The following NUP62CL variants were observed in gnomAD, a reference collection of about 807,000 sequenced individuals.
NUP62CL encodes nucleoporin-62 C-terminal-like protein.
NUP62CL carries 13 observed loss-of-function variants against 15.3 expected under a neutral mutation model. That is an observed-to-expected ratio of 0.85 (90% confidence interval 0.55 to 1.35). NUP62CL has a LOEUF of 1.35. Among genes scored for constraint, NUP62CL ranks in the 40% most tolerant of loss-of-function variants. The probability of loss-of-function intolerance (pLI) is 0.00; values close to 1 mark genes in which losing one functional copy is unlikely to be tolerated. For missense variants in NUP62CL, 123 were observed against 130.6 expected (o/e 0.94, Z 0.28); for synonymous variants, 54 against 49.2 (o/e 1.10, Z -0.41).
chrX:107,135,296 G>A (rs1029999486), intron 8 of NUP62CL, among the ~76,000 whole-genome samples: 1 of 112,003 alleles, frequency 8.9e-6, no homozygotes, highest in African/African-American at 3.2e-5. Flanking sequence ...AAAGAAAAAA[G>A]AAAATAACAA....
intron 4 of NUP62CL, among the ~76,000 whole-genome samples, chrX:107,164,843 G>A (rs1411381978): frequency 2.7e-5 from 3 of 113,120 alleles, no homozygotes; most frequent in Non-Finnish European, 5.6e-5. Context: ...GCTCACGCCT[G>A]TAATCCCAGC....
rs755470588 is a variant in NUP62CL at position 107,195,765 on chromosome X, A to C, written c.-91-2693T>G. Among the ~76,000 whole-genome samples the C allele has an allele frequency of 3.6e-5, 4 of 110,582 alleles. No homozygotes were observed. In the East Asian group the frequency reaches 1.1e-3, roughly 31 times the overall value. ...CAATCCTGGAAGGCACAGAAAGGGAAGCAATAAGAGCATTTGCTGTGTTTA... is the reference window on the plus strand; with the variant it reads ...CAATCCTGGAAGGCACAGAAAGGGACGCAATAAGAGCATTTGCTGTGTTTA... On this transcript the variant is annotated intron_variant, in intron 1 of 8. Coordinates refer to ENST00000372466, the MANE Select transcript of NUP62CL (RefSeq NM_017681.3).
chrX:107,178,888 T>A (rs891137787), intron 2 of NUP62CL, among the ~76,000 whole-genome samples: 1 of 109,947 alleles, frequency 9.1e-6, no homozygotes, highest in East Asian at 2.8e-4. Flanking sequence ...GGTCAAGAGA[T>A]AGAGACCATC....
intron 8 of NUP62CL, among the ~76,000 whole-genome samples, chrX:107,129,013 A>T (rs1170119836): frequency 9.0e-6 from 1 of 111,726 alleles, no homozygotes; most frequent in Admixed American, 9.5e-5. Flanking sequence ...GGAGGAGACC[A>T]CTAAGGTTAC....
At chrX:107,134,245 T>C (rs1197850144) in intron 8 of NUP62CL, among the ~76,000 whole-genome samples, 1 of 112,118 alleles carries the variant, frequency 8.9e-6, no homozygotes, top group African/African-American at 3.2e-5. Flanking sequence ...AGTTTATATT[T>C]TTTAAGTAAA....
chrX:107,175,110 T>C lies in NUP62CL; in HGVS notation c.37A>G (p.Thr13Ala). 1 of 1,206,755 alleles carries C rather than the reference T, an allele frequency of 8.3e-7. No individual in the cohort carries two copies. Among genetic ancestry groups the C allele is most frequent in the Non-Finnish European group, 1.1e-6 (1 of 891,847 alleles). The part of the protein sequence containing the change: ...FTSISNSLTS[T>A]AAIGLSFTTS... ...TTACATGAGAGCCCAATAGCAGCAGTGGAGGTCAAAGAATTTGATATTGAG... is the reference window on the plus strand; with the variant it reads ...TTACATGAGAGCCCAATAGCAGCAGCGGAGGTCAAAGAATTTGATATTGAG... The change falls in exon 3 of 9, where the codon ACT becomes GCT. Residue 13 changes from threonine (T) to alanine (A), a missense_variant. Thr to Ala is a moderately conservative substitution (Grantham distance 58). Transcript: ENST00000372466.
chrX:107,157,571 C>G (rs1926235837), intron 4 of NUP62CL, among the ~76,000 whole-genome samples: 1 of 107,953 alleles, frequency 9.3e-6, no homozygotes, highest in South Asian at 4.3e-4. Context: ...TACAGACAAG[C>G]AAGTGCTGAG....
intron 1 of NUP62CL, among the ~76,000 whole-genome samples, chrX:107,200,510 T>G (rs1473592283): frequency 1.8e-5 from 2 of 108,599 alleles, no homozygotes; most frequent in Non-Finnish European, 3.8e-5. Context: ...TCCCAGCTAC[T>G]CAGGAGGCTG....
intron 8 of NUP62CL, among the ~76,000 whole-genome samples, chrX:107,125,168 G>T (rs922603804): frequency 1.8e-5 from 2 of 111,695 alleles, no homozygotes; most frequent in African/African-American, 3.3e-5. Flanking sequence ...ACTTTATGAT[G>T]ATCCAATTCC....
At chrX:107,189,939 AAGAAAG>A (rs1389988602) in intron 2 of NUP62CL, among the ~76,000 whole-genome samples, 10 of 101,214 alleles carry the variant, frequency 9.9e-5, no homozygotes, top group Admixed American at 3.1e-4. Context: ...GAAAGAAAGA[AAGAAAG>A]AGAATCGATA....
chrX:107,183,415 A>T (rs1036315947), intron 2 of NUP62CL, among the ~76,000 whole-genome samples: 14 of 110,908 alleles, frequency 1.3e-4, no homozygotes, highest in African/African-American at 4.3e-4. Context: ...TGAGCAACAT[A>T]ATGAGACCCT....
chrX:107,175,614 T>C (rs1926764198), intron 2 of NUP62CL, among the ~76,000 whole-genome samples: 1 of 111,833 alleles, frequency 8.9e-6, no homozygotes, highest in South Asian at 3.8e-4. Flanking sequence ...GAAACATTTA[T>C]TCAAGAAAAT....
At chrX:107,202,537 C>T (rs1229424253) in intron 1 of NUP62CL, 1 of 110,345 alleles carries the variant, frequency 9.1e-6, no homozygotes, top group African/African-American at 3.3e-5. Context: ...TAAAGTAAAT[C>T]ATTTTAAAAA....
At chrX:107,151,458 G>C (rs1486241253) in intron 7 of NUP62CL, among the ~76,000 whole-genome samples, 4 of 109,730 alleles carry the variant, frequency 3.6e-5, no homozygotes, top group Non-Finnish European at 7.6e-5. Context: ...ATCAAAGATA[G>C]ACAAACCTGC....
intron 8 of NUP62CL, among the ~76,000 whole-genome samples, chrX:107,147,530 T>C: frequency 9.0e-6 from 1 of 111,612 alleles, no homozygotes; most frequent in Admixed American, 9.6e-5. Context: ...CTATCCATCC[T>C]CTATTTTCAT....
chrX:107,152,059 TATATATATATATATATTCAG>T (rs1328845591), intron 7 of NUP62CL, among the ~76,000 whole-genome samples: 25 of 68,991 alleles, frequency 3.6e-4, no homozygotes, highest in Non-Finnish European at 4.5e-4. Context: ...GATATATATA[TATATATATATATATATTCAG>T]ATATATATAT....
intron 4 of NUP62CL, among the ~76,000 whole-genome samples, chrX:107,161,263 C>A (rs1292250626): frequency 1.0e-5 from 1 of 99,534 alleles, no homozygotes; most frequent in Non-Finnish European, 2.0e-5. Flanking sequence ...ACCATTTGAC[C>A]CAGCCATCCC....
intron 4 of NUP62CL, among the ~76,000 whole-genome samples, chrX:107,162,575 G>T (rs764159991): frequency 1.9e-4 from 21 of 112,020 alleles, no homozygotes; most frequent in Admixed American, 2.8e-4. Context: ...AGCACTGAAT[G>T]AAAAAAAGTG....
At chrX:107,189,193 G>C (rs1477412695) in intron 2 of NUP62CL, among the ~76,000 whole-genome samples, 1 of 111,512 alleles carries the variant, frequency 9.0e-6, no homozygotes. Context: ...ACTAGATCTT[G>C]TATACATTGC....
Sources: allele counts gnomAD v4.1 joint callset (sites outside exome capture counted in the v4.1 genomes callset), GRCh38; gene constraint gnomAD v4.1.1; transcripts MANE v1.5; gene names NCBI Gene and HGNC (gene_info 2026-07-23, HGNC 2026-07-21).